The following CSMD1 variants were observed in gnomAD, a reference collection of about 807,000 sequenced individuals.
CSMD1 encodes the protein CUB and sushi domain-containing protein 1.
Under a neutral mutation model 417.5 loss-of-function variants are expected in CSMD1, and 213 were observed. The ratio of observed to expected loss-of-function variants is 0.51; its 90% CI spans 0.46 to 0.57. The LOEUF (loss-of-function observed/expected upper bound fraction) is 0.57. Among genes scored for constraint, CSMD1 ranks in the 20% least tolerant of loss-of-function variants. CSMD1 has a pLI of 0.00. For missense variants in CSMD1, 6,923 were observed against 4,529.7 expected (o/e 1.53, Z -15.17); for synonymous variants, 2,862 against 1,736.8 (o/e 1.65, Z -16.11).
chr8:3,202,257 C>T (rs1563138165), intron 31 of CSMD1, among the ~76,000 whole-genome samples: 1 of 152,168 alleles, frequency 6.6e-6, no homozygotes, highest in African/African-American at 2.4e-5. Context: ...AAGGATCAAA[C>T]CCCATGATGA....
intron 4 of CSMD1, among the ~76,000 whole-genome samples, chr8:4,001,621 T>A (rs572903678): frequency 1.3e-5 from 2 of 152,300 alleles, no homozygotes; most frequent in African/African-American, 4.8e-5. Flanking sequence ...CCCTGTCTAA[T>A]ATTTGAGTCC....
intron 52 of CSMD1, among the ~76,000 whole-genome samples, chr8:3,006,092 A>G (rs531470570): frequency 0.05 from 7,541 of 150,974 alleles, 196 homozygotes; most frequent in East Asian, 0.072. Flanking sequence ...TACAAAATCA[A>G]TGTGCAAAAA....
At chr8:4,511,365 CT>C (rs1802810913) in intron 2 of CSMD1, among the ~76,000 whole-genome samples, 1 of 152,210 alleles carries the variant, frequency 6.6e-6, no homozygotes, top group Admixed American at 6.5e-5. Flanking sequence ...CAGGCTTCTC[CT>C]TCGCAGGAGA....
chr8:3,977,789 G>A (rs1321077652), intron 5 of CSMD1, among the ~76,000 whole-genome samples: 1 of 152,240 alleles, frequency 6.6e-6, no homozygotes, highest in Non-Finnish European at 1.5e-5. Context: ...TGCTCCTCCA[G>A]GCTTTCATTA....
chr8:3,376,369 T>G (rs536871473), intron 18 of CSMD1, among the ~76,000 whole-genome samples: 13 of 152,082 alleles, frequency 8.5e-5, no homozygotes, highest in African/African-American at 3.1e-4. Flanking sequence ...AAGGAAAGCA[T>G]TGATTATATC....
intron 5 of CSMD1, among the ~76,000 whole-genome samples, chr8:3,777,121 TACACACACACACACACACAC>T (rs3028584): frequency 6.8e-6 from 1 of 146,514 alleles, no homozygotes; most frequent in Admixed American, 6.8e-5. Context: ...TATCTATACC[TACACACACACACACACACAC>T]ACACACACAC....
intron 2 of CSMD1, among the ~76,000 whole-genome samples, chr8:4,635,520 G>C (rs552517198): frequency 3.3e-5 from 5 of 151,962 alleles, no homozygotes; most frequent in Non-Finnish European, 7.4e-5. Flanking sequence ...TTGAGAGAAA[G>C]AAAATGGAAA....
chr8:4,336,387 G>A (rs531213900), intron 3 of CSMD1, among the ~76,000 whole-genome samples: 12 of 152,248 alleles, frequency 7.9e-5, no homozygotes, highest in East Asian at 3.9e-4. Flanking sequence ...CTGACTAGGC[G>A]TGACCCATGG....
intron 2 of CSMD1, among the ~76,000 whole-genome samples, chr8:4,423,379 A>C (rs1023775467): frequency 4.6e-5 from 7 of 152,118 alleles, no homozygotes; most frequent in African/African-American, 1.7e-4. Flanking sequence ...GCACATAATG[A>C]ACATACAAAA....
At chr8:3,625,988 A>C (rs765011175) in intron 7 of CSMD1, among the ~76,000 whole-genome samples, 5 of 152,244 alleles carry the variant, frequency 3.3e-5, no homozygotes, top group Non-Finnish European at 7.3e-5. Flanking sequence ...TATACACATA[A>C]AATAAAAAAT....
intron 6 of CSMD1, among the ~76,000 whole-genome samples, chr8:3,734,622 A>G (rs1478744283): frequency 2.0e-5 from 3 of 152,136 alleles, no homozygotes; most frequent in Non-Finnish European, 4.4e-5. Flanking sequence ...GAGGCAGGAG[A>G]ATTGCTTGAA....
At chr8:3,945,010 T>G (rs774338070) in intron 5 of CSMD1, among the ~76,000 whole-genome samples, 13 of 152,154 alleles carry the variant, frequency 8.5e-5, no homozygotes, top group Non-Finnish European at 1.3e-4. Flanking sequence ...GCAAGTCAAA[T>G]GTGAAATGTC....
chr8:4,863,507 AT>A (rs1387768939), intron 1 of CSMD1, among the ~76,000 whole-genome samples: 1 of 152,084 alleles, frequency 6.6e-6, no homozygotes, highest in Non-Finnish European at 1.5e-5. Flanking sequence ...AGTGTTGAAT[AT>A]TTTAATGAAA....
chr8:3,132,517 A>G (rs1354331996), intron 41 of CSMD1, among the ~76,000 whole-genome samples: 1 of 152,168 alleles, frequency 6.6e-6, no homozygotes, highest in African/African-American at 2.4e-5. Flanking sequence ...TGATGAGTTC[A>G]GTCTCATCAG....
chr8:4,438,017 G>C (rs552754914), intron 2 of CSMD1, among the ~76,000 whole-genome samples: 1 of 152,146 alleles, frequency 6.6e-6, no homozygotes, highest in East Asian at 1.9e-4. Context: ...CATTTAAAAG[G>C]GGGCATGGAA....
chr8:4,104,634 T>C (rs1208806754), intron 3 of CSMD1, among the ~76,000 whole-genome samples: 2 of 152,194 alleles, frequency 1.3e-5, no homozygotes, highest in South Asian at 2.1e-4. Context: ...TGAGGCTAGT[T>C]TGTCATACAT....
intron 10 of CSMD1, among the ~76,000 whole-genome samples, chr8:3,513,496 C>G (rs925064201): frequency 2.0e-5 from 3 of 151,920 alleles, no homozygotes; most frequent in Non-Finnish European, 4.4e-5. Flanking sequence ...ACCTTGTGAT[C>G]GTGTGAGTCA....
chr8:4,553,119 T>G (rs975973335), intron 2 of CSMD1, among the ~76,000 whole-genome samples: 3 of 152,238 alleles, frequency 2.0e-5, no homozygotes, highest in African/African-American at 7.2e-5. Flanking sequence ...TCGAGGTACC[T>G]ATGAGCCCCG....
chr8:4,700,017 T>A (rs1214179514), intron 1 of CSMD1, among the ~76,000 whole-genome samples: 3 of 152,222 alleles, frequency 2.0e-5, no homozygotes, highest in Admixed American at 2.0e-4. Context: ...ATCTCGCTAA[T>A]CTTAGAAAGC....
Sources: allele counts gnomAD v4.1 joint callset (sites outside exome capture counted in the v4.1 genomes callset), GRCh38; gene constraint gnomAD v4.1.1; transcripts MANE v1.5; gene names NCBI Gene and HGNC (gene_info 2026-07-23, HGNC 2026-07-21).